Variants in CTXND2 observed in about 807,000 individuals in gnomAD.
The protein encoded by CTXND2 is cortexin domain containing 2.
intron 1 of CTXND2, among the ~76,000 whole-genome samples, chr1:150,900,927 C>A (rs587609178): frequency 6.0e-4 from 91 of 152,202 alleles, no homozygotes; most frequent in African/African-American, 2.0e-3. Context: ...CCAGCTTGGG[C>A]AAAATGGTGA....
intron 1 of CTXND2, among the ~76,000 whole-genome samples, chr1:150,895,806 A>T (rs6688248): frequency 0.092 from 13,947 of 152,226 alleles, 689 homozygotes; most frequent in East Asian, 0.18. Context: ...TAGACTATTG[A>T]GTGACACAAA....
intron 1 of CTXND2, among the ~76,000 whole-genome samples, chr1:150,888,215 A>ATTT (rs1198190663): frequency 8.1e-6 from 1 of 122,828 alleles, no homozygotes. Context: ...ATTTTACCTA[A>ATTT]TTTATTTTTT....
intron 1 of CTXND2, among the ~76,000 whole-genome samples, chr1:150,902,440 C>G (rs971063512): frequency 6.6e-6 from 1 of 151,662 alleles, no homozygotes; most frequent in Admixed American, 6.6e-5. Flanking sequence ...TGGTGGCACA[C>G]GCCTGTAATC....
chr1:150,896,706 A>C (rs1001360504), intron 1 of CTXND2, among the ~76,000 whole-genome samples: 1 of 152,218 alleles, frequency 6.6e-6, no homozygotes, highest in Admixed American at 6.5e-5. Flanking sequence ...TTCATTCAAC[A>C]AAGTTTTACA....
chr1:150,905,828 A>T (rs1009554604), intron 1 of CTXND2, among the ~76,000 whole-genome samples: 3 of 151,608 alleles, frequency 2.0e-5, no homozygotes, highest in Non-Finnish European at 2.9e-5. Flanking sequence ...ATCTTTACTA[A>T]AAATACAAAA....
chr1:150,900,508 G>A (rs1471612018), intron 1 of CTXND2, among the ~76,000 whole-genome samples: 7 of 152,130 alleles, frequency 4.6e-5, no homozygotes, highest in East Asian at 3.8e-4. Flanking sequence ...ACCAATTCTC[G>A]ACACAATGGT....
chr1:150,887,223 T>C (rs1291850396), exon 1 of CTXND2: 1 of 152,212 alleles, frequency 6.6e-6, no homozygotes, highest in South Asian at 2.1e-4. Context: ...AAGAGGTTGA[T>C]AAAAACAGAG....
chr1:150,901,959 A>C (rs1393463221), intron 1 of CTXND2, among the ~76,000 whole-genome samples: 1 of 151,336 alleles, frequency 6.6e-6, no homozygotes, highest in African/African-American at 2.4e-5. Context: ...GGGAAATAAT[A>C]GTCTTTTTAA....
At chr1:150,905,597 C>G (rs867314133) in intron 1 of CTXND2, among the ~76,000 whole-genome samples, 6 of 151,288 alleles carry the variant, frequency 4.0e-5, no homozygotes, top group African/African-American at 1.4e-4. Context: ...CTAAAGAAAG[C>G]TGCAACAATT....
At chr1:150,891,722 A>G (rs1171381482) in intron 1 of CTXND2, among the ~76,000 whole-genome samples, 1 of 152,144 alleles carries the variant, frequency 6.6e-6, no homozygotes, top group African/African-American at 2.4e-5. Flanking sequence ...CAAACATACT[A>G]TATTGTCCTC....
At chr1:150,904,166 G>T in intron 1 of CTXND2, 1 of 643,192 alleles carries the variant, frequency 1.6e-6, no homozygotes, top group South Asian at 1.4e-5. Context: ...AAAGAAGGCA[G>T]AAAAGGCCGA....
At chr1:150,901,907 C>T (rs1669043048) in intron 1 of CTXND2, among the ~76,000 whole-genome samples, 1 of 149,756 alleles carries the variant, frequency 6.7e-6, no homozygotes, top group Non-Finnish European at 1.5e-5. Context: ...GCCTGGGCGA[C>T]AGAGTGAGAT....
chr1:150,890,108 T>G (rs1668828324), intron 1 of CTXND2, among the ~76,000 whole-genome samples: 1 of 152,120 alleles, frequency 6.6e-6, no homozygotes, highest in Admixed American at 6.6e-5. Flanking sequence ...GCATGCATCT[T>G]GTATTCTGTA....
intron 1 of CTXND2, among the ~76,000 whole-genome samples, chr1:150,899,277 T>A (rs1668960936): frequency 6.6e-6 from 1 of 151,694 alleles, no homozygotes; most frequent in South Asian, 2.1e-4. Context: ...CTCTACAAAT[T>A]TTTTTTAAAA....
chr1:150,902,123 T>C (rs899057725), intron 1 of CTXND2, among the ~76,000 whole-genome samples: 1 of 151,726 alleles, frequency 6.6e-6, no homozygotes, highest in East Asian at 2.0e-4. Context: ...AAAATTTGGC[T>C]GGGCGCCGTG....
chr1:150,891,018 G>T (rs1002256954), intron 1 of CTXND2, among the ~76,000 whole-genome samples: 1 of 151,990 alleles, frequency 6.6e-6, no homozygotes, highest in Non-Finnish European at 1.5e-5. Context: ...ATCGATGAAG[G>T]TTGTACTGTT....
At chr1:150,910,888 T>A (rs1297159328) in intron 1 of CTXND2, among the ~76,000 whole-genome samples, 2 of 152,034 alleles carry the variant, frequency 1.3e-5, no homozygotes, top group African/African-American at 2.4e-5. Flanking sequence ...CACCGCAAGC[T>A]CTGCCACCTG....
chr1:150,888,637 G>A (rs1422561709), intron 1 of CTXND2, among the ~76,000 whole-genome samples: 1 of 151,710 alleles, frequency 6.6e-6, no homozygotes, highest in African/African-American at 2.4e-5. Context: ...AATATACATG[G>A]CATACTTAGA....
rs1343088447 is a variant in CTXND2, at chr1:150,904,178, T to C, written c.-73-8064T>C. 10 of 637,704 alleles carry C rather than the reference T, an allele frequency of 1.6e-5. No individual in the cohort carries two copies. The East Asian group carries it at 3.6e-4, about 23-fold the overall frequency. 39.5% of individuals were successfully genotyped at this position (637,704 alleles called of 1,614,324 possible). A position where few individuals can be genotyped will look rare whatever the true frequency, so the allele number is the denominator to read the frequency against. ...TAAAAAGAAGGCAGAAAAGGCCGACTTGACAGCTTATCTCAAAAAAGCTAC... is the reference window on the plus strand; with the variant it reads ...TAAAAAGAAGGCAGAAAAGGCCGACCTGACAGCTTATCTCAAAAAAGCTAC... On this transcript the variant is annotated intron_variant, in intron 1 of 1. Coordinates refer to ENST00000636087, the Ensembl canonical transcript of CTXND2.
Sources: allele counts gnomAD v4.1 joint callset (sites outside exome capture counted in the v4.1 genomes callset), GRCh38; gene constraint gnomAD v4.1.1; transcripts MANE v1.5; gene names NCBI Gene and HGNC (gene_info 2026-07-23, HGNC 2026-07-21).